NEK10: variants seen among roughly 807,000 people sequenced by gnomAD.
The protein encoded by NEK10 is serine/threonine-protein kinase Nek10.
In NEK10, 122 loss-of-function variants were observed where a neutral mutation model predicts 159.8. The ratio of observed to expected loss-of-function variants is 0.76; its 90% CI spans 0.66 to 0.89. The LOEUF (loss-of-function observed/expected upper bound fraction) is 0.89. Among genes scored for constraint, NEK10 ranks in the 40% least tolerant of loss-of-function variants. The pLI is 0.00. For synonymous variants in NEK10, 466 were observed against 457.1 expected, an observed-to-expected ratio of 1.02 and a Z score of -0.25; for missense variants, 1,342 against 1,323.1, an observed-to-expected ratio of 1.01 and a Z score of -0.22.
chr3:27,329,398 G>A (rs1475234569), intron 5 of NEK10, among the ~76,000 whole-genome samples: 1 of 152,210 alleles, frequency 6.6e-6, no homozygotes, highest in Non-Finnish European at 1.5e-5. Context: ...ATTTAGGAAA[G>A]GCCAGGTTTC....
chr3:27,298,190 T>C (rs2043514393), intron 13 of NEK10, among the ~76,000 whole-genome samples: 1 of 152,196 alleles, frequency 6.6e-6, no homozygotes, highest in Non-Finnish European at 1.5e-5. Flanking sequence ...CATCATGAAT[T>C]GTAATCCCCA....
chr3:27,212,116 C>T (rs1348003124), intron 23 of NEK10, among the ~76,000 whole-genome samples: 1 of 152,154 alleles, frequency 6.6e-6, no homozygotes, highest in Non-Finnish European at 1.5e-5. Context: ...GTGGTTTAAT[C>T]GCTGAGGACA....
chr3:27,204,298 G>GTTTTTTTTTT (rs1559606061), intron 23 of NEK10, among the ~76,000 whole-genome samples: 3 of 65,518 alleles, frequency 4.6e-5, no homozygotes, highest in Non-Finnish European at 8.4e-5. Context: ...TTTTTTTGTT[G>GTTTTTTTTTT]TTGTTTTTTT....
chr3:27,119,276 C>A (rs1940946261), intron 33 of NEK10, among the ~76,000 whole-genome samples: 1 of 152,158 alleles, frequency 6.6e-6, no homozygotes, highest in East Asian at 1.9e-4. Context: ...AATCTAGGCA[C>A]CCAGGTTTCC....
intron 19 of NEK10, among the ~76,000 whole-genome samples, chr3:27,289,135 G>A (rs1482402489): frequency 6.6e-6 from 1 of 152,158 alleles, no homozygotes; most frequent in Non-Finnish European, 1.5e-5. Flanking sequence ...TGCACTAGAA[G>A]GTAACAGCAC....
intron 24 of NEK10, among the ~76,000 whole-genome samples, chr3:27,202,115 C>A (rs1165461587): frequency 6.6e-6 from 1 of 152,108 alleles, no homozygotes; most frequent in Non-Finnish European, 1.5e-5. Context: ...CATGTCACTG[C>A]ACGCCAGCCT....
Position 27,310,796 on chromosome 3 carries a change from TA to T in NEK10, c.636+152del, listed in dbSNP as rs1006395338. 29 of 502,812 alleles carry T rather than the reference TA, an allele frequency of 5.8e-5. No homozygotes were observed. In the Middle Eastern group the frequency reaches 3.3e-3, roughly 58 times the overall value. The allele number at this position is 502,812 out of a possible 1,614,324, so 31.1% of individuals were successfully genotyped here. A position where few individuals can be genotyped will look rare whatever the true frequency, so the allele number is the denominator to read the frequency against. ...TAACTTGTAATGCTGGTAAAGAATA[TA>T]AAAGGGTTGACAAAGATCCACAATC... On this transcript the variant is annotated intron_variant, in intron 9 of 35. Transcript: ENST00000691995.
At chr3:27,216,823 A>G (rs926337053) in intron 23 of NEK10, among the ~76,000 whole-genome samples, 3 of 152,232 alleles carry the variant, frequency 2.0e-5, no homozygotes. Flanking sequence ...GAATTTGAGC[A>G]AATAAATTAT....
chr3:27,244,465 C>G (rs1274817964), intron 23 of NEK10, among the ~76,000 whole-genome samples: 1 of 152,114 alleles, frequency 6.6e-6, no homozygotes, highest in Admixed American at 6.6e-5. Context: ...TTAAATATTT[C>G]TCCTTTAAAG....
chr3:27,165,530 C>A (rs367825900), intron 29 of NEK10, among the ~76,000 whole-genome samples: 2 of 152,136 alleles, frequency 1.3e-5, no homozygotes, highest in African/African-American at 4.8e-5. Flanking sequence ...GGTGAAGAGG[C>A]TTAACATATT....
intron 25 of NEK10, among the ~76,000 whole-genome samples, chr3:27,195,304 C>A (rs1949467886): frequency 6.6e-6 from 1 of 152,174 alleles, no homozygotes; most frequent in Admixed American, 6.5e-5. Context: ...GTGTCCCTTG[C>A]ATTGTTGCTT....
intron 23 of NEK10, among the ~76,000 whole-genome samples, chr3:27,231,220 T>A (rs1279815330): frequency 6.6e-6 from 1 of 151,802 alleles, no homozygotes; most frequent in Non-Finnish European, 1.5e-5. Context: ...ACCCTCCAAA[T>A]CAAACAAATA....
chr3:27,360,276 G>C (rs138762791), intron 1 of NEK10, among the ~76,000 whole-genome samples: 1 of 152,320 alleles, frequency 6.6e-6, no homozygotes, highest in East Asian at 1.9e-4. Flanking sequence ...CCCAAGAACA[G>C]AATGTAAATG....
At chr3:27,203,803 T>G (rs1202580732) in intron 23 of NEK10, among the ~76,000 whole-genome samples, 1 of 152,190 alleles carries the variant, frequency 6.6e-6, no homozygotes, top group Non-Finnish European at 1.5e-5. Context: ...GAAGAATTCC[T>G]AGTTTAAGAT....
Position 27,304,740 on chromosome 3 carries a change from T to C in NEK10, c.1028+7A>G, listed in dbSNP as rs368039830. On this transcript the variant is annotated splice_region_variant and intron_variant, in intron 12 of 35. Transcript: ENST00000691995. ...GGCAAAGTAGGCCAAAGCCCACTTT[T>C]ACTCACCCTTGTAAAATATGAAGAA... The C allele has an allele frequency of 5.9e-5, 95 of 1,600,088 alleles. No individual in the cohort carries two copies. In the African/African-American group the frequency reaches 1.2e-3, roughly 19 times the overall value.
At chr3:27,240,956 T>C (rs1372887575) in intron 23 of NEK10, among the ~76,000 whole-genome samples, 1 of 152,076 alleles carries the variant, frequency 6.6e-6, no homozygotes, top group African/African-American at 2.4e-5. Context: ...GCCTGGCCTA[T>C]CACATCTATT....
At chr3:27,154,492 CA>C (rs1945210220) in intron 30 of NEK10, among the ~76,000 whole-genome samples, 1 of 151,860 alleles carries the variant, frequency 6.6e-6, no homozygotes, top group African/African-American at 2.4e-5. Flanking sequence ...AGGACATAAT[CA>C]AAAAAGAAAA....
intron 35 of NEK10, among the ~76,000 whole-genome samples, chr3:27,114,443 C>T (rs1325941433): frequency 6.6e-6 from 1 of 152,024 alleles, no homozygotes; most frequent in Non-Finnish European, 1.5e-5. Flanking sequence ...CACAACAGAT[C>T]TAAATTTATA....
intron 31 of NEK10, among the ~76,000 whole-genome samples, chr3:27,137,574 T>C (rs1030102382): frequency 1.3e-5 from 2 of 152,212 alleles, no homozygotes; most frequent in African/African-American, 4.8e-5. Context: ...CTTTACTCAA[T>C]ATAGATATGG....
Sources: allele counts gnomAD v4.1 joint callset (sites outside exome capture counted in the v4.1 genomes callset), GRCh38; gene constraint gnomAD v4.1.1; transcripts MANE v1.5; gene names NCBI Gene and HGNC (gene_info 2026-07-23, HGNC 2026-07-21).